Variants in PRKCH observed in about 807,000 individuals in gnomAD.
PRKCH encodes protein kinase C eta, also known as protein kinase C eta type.
PRKCH carries 28 observed loss-of-function variants against 82.5 expected under a neutral mutation model. The observed-to-expected ratio is 0.34, with a 90% CI of 0.25 to 0.47. PRKCH has a LOEUF of 0.47. Ranked by LOEUF, PRKCH falls within the 20% of genes least tolerant of loss-of-function variation. The pLI is 1.00. For synonymous variants in PRKCH, 322 were observed against 327.4 expected (o/e 0.98, Z 0.18); for missense variants, 705 against 881.8 (o/e 0.80, Z 2.54).
At chr14:61,331,815 A>G (rs1321837809) in intron 1 of PRKCH, among the ~76,000 whole-genome samples, 1 of 152,182 alleles carries the variant, frequency 6.6e-6, no homozygotes, top group Non-Finnish European at 1.5e-5. Context: ...GTCAAAATGA[A>G]TTATGTGTTA....
chr14:61,212,211 T>A (rs1446229433), intron 1 of PRKCH, among the ~76,000 whole-genome samples: 2 of 152,196 alleles, frequency 1.3e-5, no homozygotes, highest in African/African-American at 4.8e-5. Flanking sequence ...TCCTCCTTTA[T>A]AAATAGATGT....
At chr14:61,193,397 C>A (rs557629145) in intron 1 of PRKCH, among the ~76,000 whole-genome samples, 2 of 152,032 alleles carry the variant, frequency 1.3e-5, no homozygotes, top group Non-Finnish European at 2.9e-5. Context: ...AACCAAGAGG[C>A]CTTTGTTTTT....
Position 61,450,359 on chromosome 14 carries a change from G to A in PRKCH, c.703-483G>A, listed in dbSNP as rs137893650. Among the ~76,000 whole-genome samples, 538 of 152,316 alleles carry A rather than the reference G, an allele frequency of 3.5e-3. 1 individual carries two copies. The highest frequency in any genetic ancestry group is 0.014 in the Middle Eastern group (4 of 294). ...GAGCTGAATAAGTAGTTACTTTAAT[G>A]TCACTTTGGAATAAATTCCTTCTGT... On this transcript the variant is annotated intron_variant, in intron 5 of 13. Coordinates refer to ENST00000332981, the MANE Select transcript of PRKCH (RefSeq NM_006255.5).
At chr14:61,327,078 A>G in intron 1 of PRKCH, 1 of 456,018 alleles carries the variant, frequency 2.2e-6, no homozygotes, top group Non-Finnish European at 4.4e-6. Flanking sequence ...GGAAGGAAGG[A>G]CTGGCTTGGC....
intron 1 of PRKCH, among the ~76,000 whole-genome samples, chr14:61,190,555 T>C (rs1049733731): frequency 6.6e-6 from 1 of 152,188 alleles, no homozygotes; most frequent in Non-Finnish European, 1.5e-5. Flanking sequence ...TGGAAATCCT[T>C]CAGTGGTTTT....
At chr14:61,232,126 TG>T (rs1194116822) in intron 1 of PRKCH, among the ~76,000 whole-genome samples, 1 of 152,354 alleles carries the variant, frequency 6.6e-6, no homozygotes, top group Non-Finnish European at 1.5e-5. Flanking sequence ...CTGCTATAAA[TG>T]GGGGTTCCCA....
At chr14:61,201,067 AAGAG>A (rs1384807463) in intron 1 of PRKCH, among the ~76,000 whole-genome samples, 20 of 151,836 alleles carry the variant, frequency 1.3e-4, no homozygotes, top group Admixed American at 1.2e-3. Flanking sequence ...ATGAAGTGTC[AAGAG>A]AGAGAATCCG....
In PRKCH at chr14:61,280,434, G is replaced by T. The variant is rs749993954; in HGVS notation, c.-19+92766G>T. ...TGATGAAGCCGGTGTTGTTGGGGTC[G>T]GGGCTGAGCTCGTAGACTGGCCGGC... On this transcript the variant is annotated intron_variant, in intron 1 of 3. Transcript: ENST00000555185. The surrounding 1 kb of genome is among the most constrained non-coding windows in gnomAD (Gnocchi z 5.0). 2 of 1,614,002 alleles carry T rather than the reference G, an allele frequency of 1.2e-6. No homozygotes were observed. Among genetic ancestry groups the T allele is most frequent in the South Asian group, 2.2e-5 (2 of 91,084 alleles).
At chr14:61,441,824 A>C (rs1372048924) in intron 2 of PRKCH, among the ~76,000 whole-genome samples, 1 of 151,654 alleles carries the variant, frequency 6.6e-6, no homozygotes. Context: ...CCTTTAAAAA[A>C]ATTTTTTTAA....
chr14:61,529,697 T>C (rs967374838), intron 11 of PRKCH, among the ~76,000 whole-genome samples: 1 of 133,136 alleles, frequency 7.5e-6, no homozygotes, highest in Non-Finnish European at 1.6e-5. Context: ...TAGGTGGGAA[T>C]TGAACGATGA....
chr14:61,446,452 T>C (rs146183031), intron 4 of PRKCH, among the ~76,000 whole-genome samples: 61 of 152,350 alleles, frequency 4.0e-4, no homozygotes, highest in Non-Finnish European at 7.6e-4. Flanking sequence ...TTTCACTATG[T>C]GGATGATTGA....
intron 9 of PRKCH, among the ~76,000 whole-genome samples, chr14:61,470,928 G>C (rs925797103): frequency 1.6e-4 from 25 of 151,974 alleles, no homozygotes; most frequent in African/African-American, 6.0e-4. Context: ...TTGTTCTTCT[G>C]GCTCCTCACT....
intron 1 of PRKCH, among the ~76,000 whole-genome samples, chr14:61,229,362 T>G (rs79591969): frequency 0.017 from 2,629 of 152,190 alleles, 90 homozygotes; most frequent in African/African-American, 0.06. Context: ...CCTCTTGGGG[T>G]AAAAAAGGCA....
At chr14:61,358,626 AG>A (rs1339509454) in intron 1 of PRKCH, among the ~76,000 whole-genome samples, 2 of 152,186 alleles carry the variant, frequency 1.3e-5, no homozygotes, top group Non-Finnish European at 2.9e-5. Context: ...TGTGTCTAAC[AG>A]GGTTTCCACC....
rs1884058744 is a variant in PRKCH at position 61,443,166 on chromosome 14, T to G, written c.483T>G (p.Ala161=). Residue 161 remains alanine, a synonymous_variant, in exon 3 of 14, where the codon GCT becomes GCG. Coordinates refer to ENST00000332981, the MANE Select transcript of PRKCH (RefSeq NM_006255.5). The part of the protein sequence containing the change: ...FKHFTRKRQR[A]MRRRVHQING... ...ATTTTACCAGGAAGCGCCAAAGGGC[T>G]ATGCGAAGGCGAGTCCACCAGATCA... 1 of 1,614,134 alleles carries G rather than the reference T, an allele frequency of 6.2e-7. No individual in the cohort carries two copies. The highest frequency in any genetic ancestry group is 8.5e-7 in the Non-Finnish European group (1 of 1,179,976).
At chr14:61,346,861 A>T (rs1594933573) in intron 1 of PRKCH, among the ~76,000 whole-genome samples, 1 of 152,262 alleles carries the variant, frequency 6.6e-6, no homozygotes, top group Non-Finnish European at 1.5e-5. Context: ...CAGCCATTAT[A>T]GTAATGAACA....
At chr14:61,244,035 C>A (rs1403288717) in intron 1 of PRKCH, among the ~76,000 whole-genome samples, 2 of 152,012 alleles carry the variant, frequency 1.3e-5, no homozygotes, top group Non-Finnish European at 2.9e-5. Context: ...CGCAGCCTGG[C>A]TCTCCCATCA....
At chr14:61,531,652 A>T (rs1165909132) in intron 12 of PRKCH, among the ~76,000 whole-genome samples, 1 of 152,194 alleles carries the variant, frequency 6.6e-6, no homozygotes, top group African/African-American at 2.4e-5. Flanking sequence ...CTTCTGAGGC[A>T]AATATTACCA....
intron 1 of PRKCH, among the ~76,000 whole-genome samples, chr14:61,249,540 G>A (rs1482953655): frequency 1.3e-5 from 2 of 150,270 alleles, no homozygotes; most frequent in Non-Finnish European, 3.0e-5. Context: ...AAAAAAAAAG[G>A]GAAGTGTTGA....
Sources: gnomAD v4.1 joint callset for allele counts (sites outside exome capture counted in the v4.1 genomes callset) on GRCh38, gnomAD v4.1.1 for gene constraint, Gnocchi (gnomAD v3.1) non-coding constraint, MANE v1.5 for transcripts, NCBI Gene and HGNC (gene_info 2026-07-23, HGNC 2026-07-21) for gene names.